The following ITGA2 variants were observed in gnomAD, a reference collection of about 807,000 sequenced individuals.
ITGA2 encodes integrin subunit alpha 2.
ITGA2 carries 101 observed loss-of-function variants against 146.3 expected under a neutral mutation model. The ratio of observed to expected loss-of-function variants is 0.69; its 90% CI spans 0.59 to 0.81. The LOEUF is 0.81. Ranked by LOEUF, ITGA2 falls within the 40% of genes least tolerant of loss-of-function variation. The pLI, the probability that ITGA2 is intolerant of heterozygous loss-of-function variation, is 0.00. For synonymous variants in ITGA2, 477 were observed against 487.1 expected (o/e 0.98, Z 0.27); for missense variants, 1,281 against 1,402.7 (o/e 0.91, Z 1.39).
intron 4 of ITGA2, among the ~76,000 whole-genome samples, chr5:53,046,872 G>A (rs937524396): frequency 2.0e-5 from 3 of 151,838 alleles, no homozygotes; most frequent in African/African-American, 7.3e-5. Context: ...CTTACAATTG[G>A]CATATTTTAA....
chr5:53,044,720 G>T (rs960977446), intron 3 of ITGA2, among the ~76,000 whole-genome samples: 3 of 151,698 alleles, frequency 2.0e-5, no homozygotes, highest in African/African-American at 4.8e-5. Flanking sequence ...TGTTTTGCTA[G>T]AATATTGTAA....
chr5:53,057,895 G>A (rs966160123), intron 9 of ITGA2, 130 bp from the exon 10 acceptor site: 14 of 688,958 alleles, frequency 2.0e-5, no homozygotes, highest in Non-Finnish European at 3.4e-5. Context: ...GTATTTTTGG[G>A]TGAGTATTGG....
chr5:53,012,951 G>T (rs753895705), intron 1 of ITGA2, among the ~76,000 whole-genome samples: 14 of 151,814 alleles, frequency 9.2e-5, no homozygotes, highest in African/African-American at 1.5e-4. Flanking sequence ...GGGTTGTTTG[G>T]TTTTTTGCTG....
chr5:53,055,457 A>G, intron 7 of ITGA2, 81 bp from the exon 8 acceptor site: 16 of 1,277,076 alleles, frequency 1.3e-5, no homozygotes, highest in Non-Finnish European at 1.7e-5. Context: ...AGCTAGTTTC[A>G]TGTTTCTATT....
Position 53,051,413 on chromosome 5 carries a change from G to A in ITGA2, c.633G>A (p.Val211=), listed in dbSNP as rs26675. 449 of 1,613,026 alleles carry A rather than the reference G, an allele frequency of 2.8e-4. 3 individuals are homozygous for A. In the East Asian group the frequency reaches 8.2e-3, roughly 29 times the overall value. The change falls in exon 7 of 30, where the codon GTG becomes GTA. Residue 211 remains valine, a splice_region_variant and synonymous_variant. Transcript: ENST00000296585. ...GLDIGPTKTQ[V]GLIQYANNPR... ...AATAAATGTCTCCTCTGTTGAAGGT[G>A]GGGTTAATTCAGTATGCCAATAATC...
chr5:52,989,823 C>CAT (rs1320353057), intron 1 of ITGA2, among the ~76,000 whole-genome samples: 4 of 143,432 alleles, frequency 2.8e-5, no homozygotes, highest in Admixed American at 2.1e-4. Context: ...CGCACACACA[C>CAT]ACACACACAC....
intron 1 of ITGA2, among the ~76,000 whole-genome samples, chr5:53,019,656 G>C (rs1742569320): frequency 6.6e-6 from 1 of 152,166 alleles, no homozygotes; most frequent in South Asian, 2.1e-4. Context: ...CTGCCATGTA[G>C]CTGGGAGTAC....
Position 53,081,886 on chromosome 5 carries a change from G to A in ITGA2, c.3144+190G>A, listed in dbSNP as rs183254400. ...TACGATTTTGAAACCCACAATTTAC[G>A]TTTGCACCAACCTAATATGTGGTCA... On this transcript the variant is annotated intron_variant, in intron 26 of 29. Coordinates refer to ENST00000296585, the MANE Select transcript of ITGA2 (RefSeq NM_002203.4). Among the ~76,000 whole-genome samples the A allele has an allele frequency of 1.5e-3, 232 of 152,218 alleles. 1 individual carries two copies. Among genetic ancestry groups the A allele is most frequent in the African/African-American group, 5.0e-3 (207 of 41,534 alleles).
intron 1 of ITGA2, among the ~76,000 whole-genome samples, chr5:53,025,850 T>G (rs1193192368): frequency 6.6e-6 from 1 of 152,212 alleles, no homozygotes; most frequent in Non-Finnish European, 1.5e-5. Flanking sequence ...CCACACAACC[T>G]TCTTTCTGTA....
At chr5:53,050,880 G>C (rs1744326084) in intron 6 of ITGA2, among the ~76,000 whole-genome samples, 1 of 152,092 alleles carries the variant, frequency 6.6e-6, no homozygotes, top group African/African-American at 2.4e-5. Flanking sequence ...CCATAATAGA[G>C]GAAATTCAGC....
chr5:53,034,933 A>G (rs1328577324), intron 2 of ITGA2, among the ~76,000 whole-genome samples: 1 of 152,228 alleles, frequency 6.6e-6, no homozygotes, highest in African/African-American at 2.4e-5. Context: ...GCAGGGGTGC[A>G]GATATATAGG....
intron 1 of ITGA2, among the ~76,000 whole-genome samples, chr5:52,992,029 A>G (rs1740984662): frequency 6.6e-6 from 1 of 152,130 alleles, no homozygotes; most frequent in Non-Finnish European, 1.5e-5. Flanking sequence ...ATCTTTTCTT[A>G]CTATCCCTGA....
chr5:53,039,602 T>C (rs1743675329), intron 2 of ITGA2, among the ~76,000 whole-genome samples: 1 of 151,560 alleles, frequency 6.6e-6, no homozygotes, highest in Non-Finnish European at 1.5e-5. Flanking sequence ...TAGCCAGGTG[T>C]GGTGGCGCGG....
intron 1 of ITGA2, among the ~76,000 whole-genome samples, chr5:53,007,808 C>A (rs1353901347): frequency 6.6e-6 from 1 of 152,028 alleles, no homozygotes; most frequent in Non-Finnish European, 1.5e-5. Flanking sequence ...ATGTTCCTGG[C>A]CTGAAGATTG....
chr5:53,031,102 G>T (rs540470938), intron 2 of ITGA2, among the ~76,000 whole-genome samples: 5 of 152,222 alleles, frequency 3.3e-5, no homozygotes, highest in Admixed American at 3.3e-4. Flanking sequence ...TTTGACAGTG[G>T]GCCCTGTGCC....
At chr5:53,012,834 A>G (rs957871215) in intron 1 of ITGA2, among the ~76,000 whole-genome samples, 5 of 152,094 alleles carry the variant, frequency 3.3e-5, no homozygotes, top group African/African-American at 1.2e-4. Flanking sequence ...TTTGACTTGT[A>G]TTTCTCTAAA....
chr5:53,022,611 G>C (rs1321818512), intron 1 of ITGA2, among the ~76,000 whole-genome samples: 1 of 152,134 alleles, frequency 6.6e-6, no homozygotes, highest in Non-Finnish European at 1.5e-5. Flanking sequence ...CTGTCACCCA[G>C]TCTGCAGTGC....
rs909410081 is a variant in ITGA2, at chr5:53,094,367, T to C, written c.*3768T>C. ...CTGTAGCCATTATGTAAATAAAGTT[T>C]CATATGTACCTGTTTATTTTGGCAG... On this transcript the variant is annotated 3_prime_UTR_variant, in exon 30 of 30. Coordinates refer to ENST00000296585, the MANE Select transcript of ITGA2 (RefSeq NM_002203.4). 2 of 152,174 alleles carry C rather than the reference T, an allele frequency of 1.3e-5. No individual in the cohort carries two copies. Among genetic ancestry groups the C allele is most frequent in the Admixed American group, 6.5e-5 (1 of 15,284 alleles). 9.4% of individuals were successfully genotyped at this position (152,174 alleles called of 1,614,324 possible).
chr5:53,032,966 A>C (rs1743303537), intron 2 of ITGA2, among the ~76,000 whole-genome samples: 1 of 152,128 alleles, frequency 6.6e-6, no homozygotes, highest in East Asian at 1.9e-4. Context: ...TTGTGTGAGA[A>C]TAAAAGTAAA....
Sources: allele counts gnomAD v4.1 joint callset (sites outside exome capture counted in the v4.1 genomes callset), GRCh38; gene constraint gnomAD v4.1.1; transcripts MANE v1.5; gene names NCBI Gene and HGNC (gene_info 2026-07-23, HGNC 2026-07-21).